The following SDK1 variants were observed in gnomAD, a reference collection of about 807,000 sequenced individuals.
The protein encoded by SDK1 is sidekick cell adhesion molecule 1.
Under a neutral mutation model 245.5 loss-of-function variants are expected in SDK1, and 157 were observed. The observed-to-expected ratio is 0.64, with a 90% CI of 0.56 to 0.73. The LOEUF (loss-of-function observed/expected upper bound fraction) is 0.73, where lower values mean the gene tolerates loss of function less well. SDK1 is among the 30% of genes least tolerant of loss of function. The probability of loss-of-function intolerance (pLI) is 0.00; values close to 1 mark genes in which losing one functional copy is unlikely to be tolerated. For synonymous variants in SDK1, 1,647 were observed against 1,278.5 expected, an observed-to-expected ratio of 1.29 and a Z score of -6.15; for missense variants, 3,583 against 3,002.3, an observed-to-expected ratio of 1.19 and a Z score of -4.52.
chr7:3,448,644 T>C (rs1218737851), intron 1 of SDK1, among the ~76,000 whole-genome samples: 2 of 152,192 alleles, frequency 1.3e-5, no homozygotes, highest in East Asian at 3.8e-4. Flanking sequence ...TGGTGAGATA[T>C]GTGAGTCAAG....
chr7:3,392,936 G>C (rs1347696091), intron 1 of SDK1, among the ~76,000 whole-genome samples: 2 of 145,182 alleles, frequency 1.4e-5, no homozygotes, highest in East Asian at 2.0e-4. Context: ...TGGCTTACAG[G>C]TATCTGTTTG....
chr7:3,502,422 G>A (rs1279960856), intron 1 of SDK1, among the ~76,000 whole-genome samples: 1 of 151,910 alleles, frequency 6.6e-6, no homozygotes, highest in Non-Finnish European at 1.5e-5. Context: ...GCTAATTTTT[G>A]TATTTTTTGT....
intron 19 of SDK1, 95 bp downstream of exon 19, chr7:4,051,925 C>T (rs1298781983): frequency 3.4e-6 from 4 of 1,180,632 alleles, no homozygotes; most frequent in African/African-American, 3.1e-5. Flanking sequence ...AGGTGGATCA[C>T]GAGGAGGCCC....
At chr7:3,995,930 A>G (rs1784666955) in intron 14 of SDK1, among the ~76,000 whole-genome samples, 2 of 152,108 alleles carry the variant, frequency 1.3e-5, no homozygotes, top group Admixed American at 6.5e-5. Flanking sequence ...ACGTAGTTAA[A>G]TCTATTGATG....
intron 22 of SDK1, among the ~76,000 whole-genome samples, chr7:4,088,731 G>C (rs377718825): frequency 3.0e-4 from 45 of 152,246 alleles, no homozygotes; most frequent in African/African-American, 9.6e-4. Flanking sequence ...TGTTTGTTTT[G>C]TTTGGGGTTG....
chr7:4,207,893 A>G (rs1784314331), intron 36 of SDK1, among the ~76,000 whole-genome samples: 2 of 152,152 alleles, frequency 1.3e-5, no homozygotes, highest in African/African-American at 4.8e-5. Flanking sequence ...TCTCCCAAAC[A>G]ACATTAGCAG....
intron 1 of SDK1, among the ~76,000 whole-genome samples, chr7:3,566,993 A>G (rs1439735321): frequency 6.6e-6 from 1 of 152,046 alleles, no homozygotes; most frequent in African/African-American, 2.4e-5. Context: ...CCTATACTGG[A>G]GAACAGAAGT....
At chr7:3,429,616 T>C (rs960871705) in intron 1 of SDK1, among the ~76,000 whole-genome samples, 4 of 149,808 alleles carry the variant, frequency 2.7e-5, no homozygotes, top group African/African-American at 1.0e-4. Context: ...TTTTTTTTTT[T>C]GTCAGGGTCT....
At chr7:3,615,692 C>G (rs575815437) in intron 1 of SDK1, among the ~76,000 whole-genome samples, 2 of 151,636 alleles carry the variant, frequency 1.3e-5, no homozygotes, top group East Asian at 1.9e-4. Flanking sequence ...CTCTCCCTCA[C>G]ATCCATAACC....
intron 4 of SDK1, among the ~76,000 whole-genome samples, chr7:3,779,938 CAAAAAAAAAAAAA>C (rs34979965): frequency 2.1e-5 from 1 of 46,668 alleles, no homozygotes; most frequent in Non-Finnish European, 4.9e-5. Context: ...GACTCCGTCT[CAAAAAAAAAAAAA>C]AAAAAAAAAA....
chr7:3,972,455 C>G (rs1163428512), intron 12 of SDK1, among the ~76,000 whole-genome samples: 1 of 152,202 alleles, frequency 6.6e-6, no homozygotes, highest in Non-Finnish European at 1.5e-5. Flanking sequence ...AAATATGAGA[C>G]TCCAGGTGAA....
intron 1 of SDK1, among the ~76,000 whole-genome samples, chr7:3,551,653 G>A (rs539750472): frequency 6.6e-6 from 1 of 151,682 alleles, no homozygotes; most frequent in African/African-American, 2.4e-5. Flanking sequence ...CCTAAATTTA[G>A]TAGTTTTATA....
chr7:3,498,192 C>T (rs1782083127), intron 1 of SDK1, among the ~76,000 whole-genome samples: 1 of 152,132 alleles, frequency 6.6e-6, no homozygotes, highest in Admixed American at 6.6e-5. Flanking sequence ...GGGGTGAAAA[C>T]ACTCAAAGCC....
intron 4 of SDK1, among the ~76,000 whole-genome samples, chr7:3,757,669 C>G (rs1027142850): frequency 1.3e-5 from 2 of 152,206 alleles, no homozygotes; most frequent in Non-Finnish European, 1.5e-5. Context: ...GCGCAAGGTG[C>G]CCCGTCCTCC....
intron 4 of SDK1, among the ~76,000 whole-genome samples, chr7:3,711,900 T>A (rs1785061893): frequency 6.6e-6 from 1 of 152,200 alleles, no homozygotes; most frequent in African/African-American, 2.4e-5. Context: ...GGGAAACATC[T>A]CTGTGGCTGT....
At chr7:3,730,688 A>G (rs777857317) in intron 4 of SDK1, among the ~76,000 whole-genome samples, 1 of 152,140 alleles carries the variant, frequency 6.6e-6, no homozygotes, top group African/African-American at 2.4e-5. Flanking sequence ...TTCCTTACAC[A>G]CAATATTAAC....
At position 4,201,660 on chromosome 7, in the gene SDK1, G is replaced by A. The variant is rs114899213; in HGVS notation, c.5099-4219G>A. Among the ~76,000 whole-genome samples, 317 of 151,144 alleles carry A rather than the reference G, an allele frequency of 2.1e-3. 1 individual carries two copies. Among genetic ancestry groups the A allele is most frequent in the African/African-American group, 7.2e-3 (298 of 41,206 alleles). ...TGGCATGGCACAGGGAGGCTCCGGTGACAGGAGGCGCCTGGCGTGGCACAG... is the reference window on the plus strand; with the variant it reads ...TGGCATGGCACAGGGAGGCTCCGGTAACAGGAGGCGCCTGGCGTGGCACAG... On this transcript the variant is annotated intron_variant, in intron 35 of 44. Transcript: ENST00000404826.
At chr7:4,023,152 C>T (rs80025958) in intron 17 of SDK1, among the ~76,000 whole-genome samples, 2,388 of 152,188 alleles carry the variant, frequency 0.016, 57 homozygotes, top group African/African-American at 0.054. Flanking sequence ...TCTTCGCAAG[C>T]TCTCGGCATG....
intron 44 of SDK1, among the ~76,000 whole-genome samples, chr7:4,255,023 G>A (rs1232457700): frequency 6.6e-6 from 1 of 152,236 alleles, no homozygotes; most frequent in African/African-American, 2.4e-5. Context: ...TGCATAGATT[G>A]CTCCTCACTT....
Sources: gnomAD v4.1 joint callset for allele counts (sites outside exome capture counted in the v4.1 genomes callset) on GRCh38, gnomAD v4.1.1 for gene constraint, MANE v1.5 for transcripts, NCBI Gene and HGNC (gene_info 2026-07-23, HGNC 2026-07-21) for gene names.